The following MEGF10 variants were observed in gnomAD, a reference collection of about 807,000 sequenced individuals.
The protein encoded by MEGF10 is multiple epidermal growth factor-like domains protein 10.
Under a neutral mutation model 147.5 loss-of-function variants are expected in MEGF10, and 86 were observed. The observed-to-expected ratio is 0.58, with a 90% confidence interval of 0.49 to 0.70. The LOEUF is 0.70. Ranked by LOEUF, MEGF10 falls within the 30% of genes least tolerant of loss-of-function variation. The probability of loss-of-function intolerance (pLI) is 0.00; values close to 1 mark genes in which losing one functional copy is unlikely to be tolerated. For missense variants in MEGF10, 1,329 were observed against 1,487.3 expected (o/e 0.89, Z 1.75); for synonymous variants, 478 against 525.5 (o/e 0.91, Z 1.24).
the MEGF10 span, among the ~76,000 whole-genome samples, chr5:127,244,834 A>AAACAAAC: frequency 6.6e-6 from 1 of 152,154 alleles, no homozygotes; most frequent in African/African-American, 2.4e-5. Context: ...GTATACTTTT[A>AAACAAAC]AAAAAACAAA....
At chr5:127,346,414 G>A (rs933120785) in intron 4 of MEGF10, among the ~76,000 whole-genome samples, 4 of 152,010 alleles carry the variant, frequency 2.6e-5, no homozygotes, top group African/African-American at 9.7e-5. Flanking sequence ...CAGGAGTAAG[G>A]CGGTATCATA....
the MEGF10 span, among the ~76,000 whole-genome samples, chr5:127,284,941 C>T: frequency 6.6e-6 from 1 of 152,084 alleles, no homozygotes; most frequent in Non-Finnish European, 1.5e-5. Context: ...AAAATATTAG[C>T]AGACAGGTAA....
intron 13 of MEGF10, among the ~76,000 whole-genome samples, chr5:127,427,130 C>G (rs1393240227): frequency 6.6e-6 from 1 of 152,220 alleles, no homozygotes; most frequent in Non-Finnish European, 1.5e-5. Context: ...GGCAGGGGCT[C>G]TTGCATAGTG....
At chr5:127,268,801 C>T in the MEGF10 span, among the ~76,000 whole-genome samples, 11 of 152,328 alleles carry the variant, frequency 7.2e-5, no homozygotes, top group African/African-American at 2.6e-4. Flanking sequence ...TCAGGTGGGT[C>T]CCTGACCTCT....
the MEGF10 span, among the ~76,000 whole-genome samples, chr5:127,251,450 A>G: frequency 6.6e-6 from 1 of 152,100 alleles, no homozygotes; most frequent in East Asian, 1.9e-4. Context: ...GATTAAATAC[A>G]TTAATATACA....
chr5:127,320,950 C>T (rs1158816107), intron 1 of MEGF10, among the ~76,000 whole-genome samples: 1 of 152,194 alleles, frequency 6.6e-6, no homozygotes, highest in Non-Finnish European at 1.5e-5. Context: ...ATCTTTTGTA[C>T]TTTCCAATTC....
At chr5:127,442,758 A>T (rs1434896669) in intron 18 of MEGF10, among the ~76,000 whole-genome samples, 1 of 152,196 alleles carries the variant, frequency 6.6e-6, no homozygotes, top group East Asian at 1.9e-4. Flanking sequence ...GTAGCAGCTG[A>T]AAGTGTCAGG....
intron 13 of MEGF10, chr5:127,424,758 A>T (rs560806256): frequency 4.8e-4 from 79 of 165,776 alleles, no homozygotes; most frequent in South Asian, 9.8e-4. Context: ...AGATAACTTG[A>T]CTTCACAATA....
At position 127,398,676 on chromosome 5, in the gene MEGF10, C is replaced by T; in HGVS notation, c.660C>T (p.Phe220=). The part of the protein sequence containing the change: ...CRCPPGYTGA[F]CEDLCPPGKH... ...CCTTTGTCACATGTTAATCCCTCAG[C>T]TGTGAGGATCTTTGTCCTCCTGGTA... Residue 220 remains phenylalanine, a splice_region_variant and synonymous_variant, in exon 7 of 25, where the codon TTC becomes TTT. Coordinates refer to ENST00000503335, the MANE Select transcript of MEGF10 (RefSeq NM_001256545.2). The T allele has an allele frequency of 6.2e-7, 1 of 1,614,094 alleles. No homozygotes were observed. The highest frequency in any genetic ancestry group is 8.5e-7 in the Non-Finnish European group (1 of 1,179,974).
chr5:127,345,896 C>G (rs1022331065), intron 4 of MEGF10, among the ~76,000 whole-genome samples: 11 of 152,066 alleles, frequency 7.2e-5, no homozygotes, highest in Non-Finnish European at 1.5e-4. Context: ...CATTCGTATG[C>G]CTTTGCATCC....
At chr5:127,266,393 T>C in the MEGF10 span, among the ~76,000 whole-genome samples, 1 of 152,210 alleles carries the variant, frequency 6.6e-6, no homozygotes, top group Non-Finnish European at 1.5e-5. Flanking sequence ...AGGATTGTCT[T>C]GGAAATGTGG....
intron 19 of MEGF10, 179 bp from the exon 20 acceptor site, chr5:127,445,278 A>G (rs1765901510): frequency 1.7e-6 from 1 of 605,024 alleles, no homozygotes; most frequent in South Asian, 2.0e-5. Context: ...GGGCATGGAT[A>G]GGCCGACAAC....
the MEGF10 span, among the ~76,000 whole-genome samples, chr5:127,270,192 A>T: frequency 1.3e-5 from 2 of 152,200 alleles, no homozygotes; most frequent in African/African-American, 4.8e-5. Flanking sequence ...CAAAATAACC[A>T]GCTAACATCA....
the MEGF10 span, among the ~76,000 whole-genome samples, chr5:127,272,312 A>G: frequency 9.5e-4 from 144 of 152,302 alleles, 3 homozygotes; most frequent in East Asian, 0.015. Context: ...TACCAGTACC[A>G]GTACCATGCT....
chr5:127,250,115 C>A, the MEGF10 span, among the ~76,000 whole-genome samples: 11 of 152,082 alleles, frequency 7.2e-5, no homozygotes, highest in African/African-American at 2.7e-4. Flanking sequence ...CAAATATATA[C>A]CATACAAATA....
chr5:127,247,285 G>T, the MEGF10 span, among the ~76,000 whole-genome samples: 12 of 117,236 alleles, frequency 1.0e-4, no homozygotes, highest in African/African-American at 3.6e-4. Context: ...GTGTGTGGTT[G>T]GGGGGTGGGG....
intron 1 of MEGF10, among the ~76,000 whole-genome samples, chr5:127,327,173 C>T (rs1450539324): frequency 6.6e-6 from 1 of 152,164 alleles, no homozygotes; most frequent in Non-Finnish European, 1.5e-5. Flanking sequence ...CTAATAGGAG[C>T]ACTTTAGCAA....
chr5:127,247,406 A>AGAG, the MEGF10 span, among the ~76,000 whole-genome samples: 3 of 67,240 alleles, frequency 4.5e-5, no homozygotes, highest in African/African-American at 1.6e-4. Flanking sequence ...AAGAAGAAGA[A>AGAG]GAAGAAGAAG....
intron 13 of MEGF10, among the ~76,000 whole-genome samples, chr5:127,425,730 T>C (rs1016660703): frequency 6.6e-6 from 1 of 152,208 alleles, no homozygotes; most frequent in Non-Finnish European, 1.5e-5. Flanking sequence ...TGTTTAGGGT[T>C]AGTACCCTGT....
Sources: allele counts gnomAD v4.1 joint callset (sites outside exome capture counted in the v4.1 genomes callset), GRCh38; gene constraint gnomAD v4.1.1; transcripts MANE v1.5; gene names NCBI Gene and HGNC (gene_info 2026-07-23, HGNC 2026-07-21).